The following PTGFRN variants were observed in gnomAD, a reference collection of about 807,000 sequenced individuals.
PTGFRN encodes prostaglandin F2 receptor inhibitor.
A neutral mutation model predicts 83.2 loss-of-function variants in PTGFRN; 35 were observed. That is an observed-to-expected ratio of 0.42 (90% CI 0.32 to 0.56). The LOEUF (loss-of-function observed/expected upper bound fraction) is 0.56. PTGFRN is among the 20% of genes least tolerant of loss of function. The pLI, the probability that PTGFRN is intolerant of heterozygous loss-of-function variation, is 0.11. For synonymous variants in PTGFRN, 519 were observed against 498.6 expected (o/e 1.04, Z -0.55); for missense variants, 1,051 against 1,179.5 (o/e 0.89, Z 1.60).
rs994735306 is a variant in PTGFRN, at chr1:116,918,813, C to T, written c.49+8561C>T. 6.6e-6 allele frequency among the ~76,000 whole-genome samples: 1 copy of T among 152,150 alleles called. No homozygotes were observed. Among genetic ancestry groups the T allele is most frequent in the African/African-American group, 2.4e-5 (1 of 41,438 alleles). ...TAGGAGGGACAGCATCATGTGGTCT[C>T]TCCATGGAATGAGAGTGGAAGGATG... On this transcript the variant is annotated intron_variant, in intron 1 of 8. Transcript: ENST00000393203. This position sits in a 1 kb window ranked among gnomAD's most constrained non-coding sequence, Gnocchi z 4.1.
Position 116,910,177 on chromosome 1 carries a change from G to A in PTGFRN, c.-27G>A, listed in dbSNP as rs1397555277. 6.7e-6 allele frequency: 10 copies of A among 1,502,428 alleles called. No homozygotes were observed. Among genetic ancestry groups the A allele is most frequent in the Non-Finnish European group, 7.9e-6 (9 of 1,132,364 alleles). The allele number at this position is 1,502,428 out of a possible 1,614,324, so 93.1% of individuals were successfully genotyped here. A position where few individuals can be genotyped will look rare whatever the true frequency, so the allele number is the denominator to read the frequency against. On this transcript the variant is annotated 5_prime_UTR_variant, in exon 1 of 9. Coordinates refer to ENST00000393203, the MANE Select transcript of PTGFRN (RefSeq NM_020440.4). ...AGAGGCGGCGGGGAAGGAGGAGGAG[G>A]GGGAGAGTCGCTCCCGCCGGGCGAG...
chr1:116,969,311 T>C (rs534247053), intron 6 of PTGFRN, among the ~76,000 whole-genome samples: 3 of 152,286 alleles, frequency 2.0e-5, no homozygotes, highest in South Asian at 4.1e-4. Context: ...CTTTATTATG[T>C]TGCATGGAGA....
chr1:116,967,093 C>A lies in PTGFRN; in HGVS notation c.1822C>A (p.Leu608Met). The change falls in exon 6 of 9, where the codon CTG becomes ATG. Residue 608 changes from leucine to methionine, a missense_variant. By Grantham distance (15) the Leu-to-Met change is conservative (BLOSUM62 2). Around this residue, in one of 3 missense-constraint regions of PTGFRN, gnomAD observed 719 missense variants for 836.6 expected, o/e 0.86. Coordinates refer to ENST00000393203, the MANE Select transcript of PTGFRN (RefSeq NM_020440.4). ...CAATGAAACGAAGTACATCATCTCT[C>A]TGGACCAGGATTCTGTGGTGAAGCT... ...SPNETKYIIS[L>M]DQDSVVKLEN... 3 of 1,614,244 alleles carry A rather than the reference C, an allele frequency of 1.9e-6. No individual in the cohort carries two copies. The South Asian group carries it at 3.3e-5, about 18-fold the overall frequency.
In PTGFRN at chr1:116,918,236, A is replaced by G. The variant is rs1649455642; in HGVS notation, c.49+7984A>G. Among the ~76,000 whole-genome samples the G allele has an allele frequency of 6.6e-6, 1 of 152,246 alleles. No homozygotes were observed. Among genetic ancestry groups the G allele is most frequent in the African/African-American group, 2.4e-5 (1 of 41,464 alleles). On this transcript the variant is annotated intron_variant, in intron 1 of 8. Transcript: ENST00000393203. The surrounding 1 kb of genome is among the most constrained non-coding windows in gnomAD (Gnocchi z 4.1). ...GAAAAAATAGGATTCAGGCTTCAGAATCAGCCTTTCATTTGAATCCTGTCT... is the reference window on the plus strand; with the variant it reads ...GAAAAAATAGGATTCAGGCTTCAGAGTCAGCCTTTCATTTGAATCCTGTCT...
chr1:116,929,967 T>C (rs764895493), intron 1 of PTGFRN, among the ~76,000 whole-genome samples: 2 of 152,226 alleles, frequency 1.3e-5, no homozygotes, highest in African/African-American at 2.4e-5. Context: ...TTCCTGGAGG[T>C]TGCCAGTGAT....
intron 4 of PTGFRN, among the ~76,000 whole-genome samples, chr1:116,959,619 G>A (rs780542753): frequency 2.6e-5 from 4 of 152,268 alleles, no homozygotes; most frequent in Non-Finnish European, 5.9e-5. Context: ...GATAAATGGA[G>A]AGTTCTGTTT....
chr1:116,925,153 C>T lies in PTGFRN; in HGVS notation c.49+14901C>T, dbSNP rs556987666. 9.7e-4 allele frequency among the ~76,000 whole-genome samples: 147 copies of T among 151,740 alleles called. 1 individual carries two copies. The highest frequency in any genetic ancestry group is 3.5e-3 in the African/African-American group (142 of 41,134). On this transcript the variant is annotated intron_variant, in intron 1 of 8. Coordinates refer to ENST00000393203, the MANE Select transcript of PTGFRN (RefSeq NM_020440.4). ...ACAGAGAAAGCGATAAACCAGCTGTCGCAGTGGCTTACACCTGTAATCCCA... is the reference window on the plus strand; with the variant it reads ...ACAGAGAAAGCGATAAACCAGCTGTTGCAGTGGCTTACACCTGTAATCCCA...
intron 7 of PTGFRN, among the ~76,000 whole-genome samples, chr1:116,978,990 A>C (rs1651234746): frequency 6.6e-6 from 1 of 152,146 alleles, no homozygotes; most frequent in African/African-American, 2.4e-5. Flanking sequence ...TCTCAGCCCA[A>C]AATCTTAAGC....
chr1:116,971,036 A>G (rs1570674332), intron 6 of PTGFRN, among the ~76,000 whole-genome samples: 1 of 152,238 alleles, frequency 6.6e-6, no homozygotes, highest in Non-Finnish European at 1.5e-5. Context: ...TTGAAAATAT[A>G]GTAATGTAGA....
At chr1:116,945,217 T>G in intron 3 of PTGFRN, 125 bp downstream of exon 3, 2 of 1,244,134 alleles carry the variant, frequency 1.6e-6, no homozygotes, top group Non-Finnish European at 2.2e-6. Flanking sequence ...ATGTGAGGCC[T>G]TATTTTTAGG....
Position 116,966,927 on chromosome 1 carries a change from G to A in PTGFRN, c.1656G>A (p.Val552=). The A allele has an allele frequency of 6.2e-7, 1 of 1,600,444 alleles. No individual in the cohort carries two copies. Among genetic ancestry groups the A allele is most frequent in the Non-Finnish European group, 8.6e-7 (1 of 1,169,118 alleles). Residue 552 remains valine (V), a synonymous_variant, in exon 6 of 9, where the codon GTG becomes GTA. Transcript: ENST00000393203. ...FWALEDSVLV[V]KARQPKPFFA... is the part of the protein sequence containing the mutation. The stretch of plus-strand genomic sequence containing the variant: ...TCATTCCAGATTCCGTGCTTGTGGT[G>A]AAGGCGAGGCAGCCAAAGCCTTTCT...
Position 116,989,099 on chromosome 1 carries a change from T to C in PTGFRN, c.*2132T>C, listed in dbSNP as rs1313911642. 1 of 152,198 alleles carries C rather than the reference T, an allele frequency of 6.6e-6. No individual in the cohort carries two copies. The highest frequency in any genetic ancestry group is 2.4e-5 in the African/African-American group (1 of 41,440). 9.4% of individuals were successfully genotyped at this position (152,198 alleles called of 1,614,324 possible). A position where few individuals can be genotyped will look rare whatever the true frequency, so the allele number is the denominator to read the frequency against. On this transcript the variant is annotated 3_prime_UTR_variant, in exon 9 of 9. Coordinates refer to ENST00000393203, the MANE Select transcript of PTGFRN (RefSeq NM_020440.4). ...TTTTATTGGCACAGGCCCTTCTTAG[T>C]AGGAAGAAAGGGTGCTTAGCTTTGG...
At chr1:116,913,544 G>A (rs1253148691) in intron 1 of PTGFRN, among the ~76,000 whole-genome samples, 3 of 152,104 alleles carry the variant, frequency 2.0e-5, no homozygotes, top group Non-Finnish European at 4.4e-5. Flanking sequence ...ATTTGTTGGT[G>A]CTCTGGGTGC....
At chr1:116,975,987 C>A (rs756726344) in intron 7 of PTGFRN, among the ~76,000 whole-genome samples, 1 of 152,068 alleles carries the variant, frequency 6.6e-6, no homozygotes, top group Non-Finnish European at 1.5e-5. Flanking sequence ...AAAGATTAGA[C>A]GAATGGCTAA....
At chr1:116,946,008 A>G (rs1650193285) in intron 3 of PTGFRN, among the ~76,000 whole-genome samples, 1 of 152,054 alleles carries the variant, frequency 6.6e-6, no homozygotes, top group Non-Finnish European at 1.5e-5. Flanking sequence ...GGGCAATGTC[A>G]TTGCTCAGGA....
chr1:116,934,983 C>T (rs1413890526), intron 1 of PTGFRN, among the ~76,000 whole-genome samples: 1 of 152,180 alleles, frequency 6.6e-6, no homozygotes, highest in Non-Finnish European at 1.5e-5. Context: ...TTACCACCTT[C>T]CTTTGTGGAC....
In PTGFRN at chr1:116,967,290, C is replaced by T. The variant is rs1215705739; in HGVS notation, c.2019C>T (p.Thr673=). The stretch of plus-strand genomic sequence containing the variant: ...GCAGCCTTTGGCGAGAAGCAGCAAC[C>T]AGTCTCTCCAATCCTATTGAGATAG... ...VRGSLWREAA[T]SLSNPIEIDF... is the part of the protein sequence containing the mutation. Residue 673 remains threonine, a synonymous_variant, in exon 6 of 9, where the codon ACC becomes ACT. Coordinates refer to ENST00000393203, the MANE Select transcript of PTGFRN (RefSeq NM_020440.4). 1 of 1,614,150 alleles carries T rather than the reference C, an allele frequency of 6.2e-7. No homozygotes were observed. The highest frequency in any genetic ancestry group is 8.5e-7 in the Non-Finnish European group (1 of 1,180,006).
In PTGFRN at chr1:116,942,073, G is replaced by A. The variant is rs1486566523; in HGVS notation, c.408G>A (p.Val136=). Residue 136 remains valine (V), a synonymous_variant, in exon 2 of 9, where the codon GTG becomes GTA. Coordinates refer to ENST00000393203, the MANE Select transcript of PTGFRN (RefSeq NM_020440.4). ...TCCAGGGAAACTATGAGGACACAGT[G>A]CAGGTTAAAGGTACAGTCCTCACAT... ...ATVQGNYEDT[V]QVKVLADSLH... The A allele has an allele frequency of 3.7e-6, 6 of 1,612,604 alleles. No individual in the cohort carries two copies. Among genetic ancestry groups the A allele is most frequent in the Non-Finnish European group, 5.1e-6 (6 of 1,179,022 alleles).
intron 4 of PTGFRN, among the ~76,000 whole-genome samples, chr1:116,959,605 T>G (rs1650590895): frequency 6.6e-6 from 1 of 152,126 alleles, no homozygotes; most frequent in Non-Finnish European, 1.5e-5. Context: ...ATAAAGATAA[T>G]GTTGATAAAT....
Sources: allele counts gnomAD v4.1 joint callset (sites outside exome capture counted in the v4.1 genomes callset), GRCh38; gene constraint gnomAD v4.1.1; regional missense constraint gnomAD v4.1.1; non-coding constraint Gnocchi (gnomAD v3.1); transcripts MANE v1.5; gene names NCBI Gene and HGNC (gene_info 2026-07-23, HGNC 2026-07-21).